The following ATG4C variants were observed in gnomAD, a reference collection of about 807,000 sequenced individuals.
ATG4C encodes the protein cysteine protease ATG4C.
A neutral mutation model predicts 57.6 loss-of-function variants in ATG4C; 56 were observed. That is an observed-to-expected ratio of 0.97 (90% CI 0.78 to 1.21). The LOEUF is 1.21. Among genes scored for constraint, ATG4C ranks in the 50% most tolerant of loss-of-function variants. The probability of loss-of-function intolerance (pLI) is 0.00; values close to 1 mark genes in which losing one functional copy is unlikely to be tolerated. For synonymous variants in ATG4C, 157 were observed against 174.1 expected (o/e 0.90, Z 0.78); for missense variants, 595 against 529.8 (o/e 1.12, Z -1.21).
At chr1:62,859,258 A>G (rs750701983) in intron 10 of ATG4C, among the ~76,000 whole-genome samples, 2 of 152,180 alleles carry the variant, frequency 1.3e-5, no homozygotes, top group Non-Finnish European at 2.9e-5. Flanking sequence ...TATAATGCAA[A>G]TATTTCAAAA....
intron 1 of ATG4C, among the ~76,000 whole-genome samples, chr1:62,786,275 A>G (rs185558196): frequency 1.2e-3 from 189 of 152,348 alleles, no homozygotes; most frequent in African/African-American, 4.4e-3. Flanking sequence ...ACACTCTTCA[A>G]GGTGCTGGGG....
At chr1:62,841,692 A>T in intron 10 of ATG4C, 145 bp downstream of exon 10, 1 of 727,190 alleles carries the variant, frequency 1.4e-6, no homozygotes, top group Non-Finnish European at 2.1e-6. Flanking sequence ...GAATTGAAAA[A>T]TAAAGCCATT....
At chr1:62,856,156 G>T (rs1666675349) in intron 10 of ATG4C, among the ~76,000 whole-genome samples, 1 of 152,064 alleles carries the variant, frequency 6.6e-6, no homozygotes. Context: ...TCACTATTTT[G>T]GTTAAGGTCT....
Position 62,829,068 on chromosome 1 carries a change from G to A in ATG4C, c.825G>A (p.Gln275=), listed in dbSNP as rs753127321. ...ACAATTCTGATGTAATTGATAAACAGAGTGCTTCCATGACTTCTGATAATG... is the reference window on the plus strand; with the variant it reads ...ACAATTCTGATGTAATTGATAAACAAAGTGCTTCCATGACTTCTGATAATG... ...TVYNSDVIDK[Q]SASMTSDNAD... The change falls in exon 7 of 11, where the codon CAG becomes CAA. Residue 275 remains glutamine, a synonymous_variant. Coordinates refer to ENST00000317868, the MANE Select transcript of ATG4C (RefSeq NM_032852.4). 5.1e-5 allele frequency: 83 copies of A among 1,611,990 alleles called. No individual in the cohort carries two copies. The highest frequency in any genetic ancestry group is 6.5e-5 in the Non-Finnish European group (77 of 1,178,710).
chr1:62,826,030 C>T (rs1665639140), intron 6 of ATG4C, among the ~76,000 whole-genome samples: 1 of 152,088 alleles, frequency 6.6e-6, no homozygotes, highest in Admixed American at 6.5e-5. Flanking sequence ...GCCTCAGCCT[C>T]CCAAGTAGCT....
chr1:62,838,567 C>T (rs1305444416), intron 9 of ATG4C, among the ~76,000 whole-genome samples: 1 of 152,072 alleles, frequency 6.6e-6, no homozygotes, highest in Non-Finnish European at 1.5e-5. Context: ...CACCTGAGGT[C>T]AGGAGTTTGA....
chr1:62,798,166 C>A (rs1397010337), intron 1 of ATG4C, among the ~76,000 whole-genome samples: 2 of 152,102 alleles, frequency 1.3e-5, no homozygotes, highest in Admixed American at 1.3e-4. Flanking sequence ...TAATTTAAAT[C>A]TGTGTTTCTT....
At chr1:62,832,859 A>G (rs896023492) in intron 7 of ATG4C, among the ~76,000 whole-genome samples, 17 of 152,200 alleles carry the variant, frequency 1.1e-4, no homozygotes, top group Non-Finnish European at 2.2e-4. Flanking sequence ...ATAGATCTCT[A>G]TTTATTGATA....
At chr1:62,814,144 A>G (rs1557969621) in intron 3 of ATG4C, among the ~76,000 whole-genome samples, 1 of 152,200 alleles carries the variant, frequency 6.6e-6, no homozygotes, top group Admixed American at 6.5e-5. Flanking sequence ...ACACATGCAC[A>G]TGTATGTTTA....
chr1:62,860,682 A>T (rs1442528961), intron 10 of ATG4C, among the ~76,000 whole-genome samples: 1 of 152,242 alleles, frequency 6.6e-6, no homozygotes, highest in African/African-American at 2.4e-5. Flanking sequence ...AACAATTTAA[A>T]GACTTGTTAA....
At position 62,812,406 on chromosome 1, in the gene ATG4C, C is replaced by T. The variant is rs182823973; in HGVS notation, c.161-4169C>T. On this transcript the variant is annotated intron_variant, in intron 3 of 10. Coordinates refer to ENST00000317868, the MANE Select transcript of ATG4C (RefSeq NM_032852.4). ...TCTCAATAGATGCAGAAAAGGCCTT[C>T]GATAAAATTCAAAACTGCTTCATGG... Among the ~76,000 whole-genome samples the T allele has an allele frequency of 2.6e-3, 400 of 152,168 alleles. 1 individual carries two copies. Among genetic ancestry groups the T allele is most frequent in the South Asian group, 3.7e-3 (18 of 4,822 alleles).
intron 10 of ATG4C, among the ~76,000 whole-genome samples, chr1:62,859,272 G>C (rs182827396): frequency 5.3e-5 from 8 of 152,106 alleles, no homozygotes; most frequent in African/African-American, 1.9e-4. Flanking sequence ...TTCAAAATCT[G>C]AAAAAAATCC....
chr1:62,854,917 C>A (rs1299017045), intron 10 of ATG4C, among the ~76,000 whole-genome samples: 1 of 152,158 alleles, frequency 6.6e-6, no homozygotes, highest in Non-Finnish European at 1.5e-5. Context: ...ACTGAGGACC[C>A]TACGGTTTCC....
At chr1:62,842,190 A>G (rs1666190174) in intron 10 of ATG4C, among the ~76,000 whole-genome samples, 1 of 152,196 alleles carries the variant, frequency 6.6e-6, no homozygotes, top group African/African-American at 2.4e-5. Flanking sequence ...TTAGAAAATA[A>G]AAAAAGACTG....
chr1:62,792,889 ATT>A (rs11415231), intron 1 of ATG4C, among the ~76,000 whole-genome samples: 3 of 144,932 alleles, frequency 2.1e-5, no homozygotes, highest in East Asian at 2.1e-4. Flanking sequence ...GGTGGTAGTG[ATT>A]TTTTTTTTTT....
rs772794458 is a variant in ATG4C at position 62,829,037 on chromosome 1, C to T, written c.797-3C>T. The stretch of plus-strand genomic sequence containing the variant: ...TAATACATATTCATTATGTTTTTCT[C>T]AGTTTACAATTCTGATGTAATTGAT... On this transcript the variant is annotated splice_region_variant and splice_polypyrimidine_tract_variant and intron_variant, in intron 6 of 10. Transcript: ENST00000317868. 16 of 1,595,708 alleles carry T rather than the reference C, an allele frequency of 1.0e-5. 1 individual carries two copies. The highest frequency in any genetic ancestry group is 1.4e-5 in the Non-Finnish European group (16 of 1,173,842).
At chr1:62,827,719 T>C (rs921307883) in intron 6 of ATG4C, among the ~76,000 whole-genome samples, 4 of 152,310 alleles carry the variant, frequency 2.6e-5, no homozygotes, top group African/African-American at 2.4e-5. Flanking sequence ...GGTAAACTTA[T>C]GTCACGGGGG....
intron 9 of ATG4C, among the ~76,000 whole-genome samples, chr1:62,839,231 A>T (rs1054549138): frequency 1.3e-5 from 2 of 151,344 alleles, no homozygotes; most frequent in Non-Finnish European, 2.9e-5. Context: ...GCTATTTAAA[A>T]TTTTTTTTTA....
chr1:62,857,088 G>A (rs1666706914), intron 10 of ATG4C, among the ~76,000 whole-genome samples: 1 of 152,082 alleles, frequency 6.6e-6, no homozygotes. Context: ...GAACTTTTAT[G>A]TCTGGCTCCT....
Sources: gnomAD v4.1 joint callset for allele counts (sites outside exome capture counted in the v4.1 genomes callset) on GRCh38, gnomAD v4.1.1 for gene constraint, MANE v1.5 for transcripts, NCBI Gene and HGNC (gene_info 2026-07-23, HGNC 2026-07-21) for gene names.